The following HESX1 variants were observed in gnomAD, a reference collection of about 807,000 sequenced individuals.
The protein encoded by HESX1 is homeobox expressed in ES cells 1.
In HESX1, 11 loss-of-function variants were observed where a neutral mutation model predicts 22.5. The ratio of observed to expected loss-of-function variants is 0.49; its 90% CI spans 0.31 to 0.81. The LOEUF is 0.81. HESX1 is among the 30% of genes least tolerant of loss of function. HESX1 has a pLI of 0.05. For synonymous variants in HESX1, 74 were observed against 76.5 expected, an observed-to-expected ratio of 0.97 and a Z score of 0.17; for missense variants, 201 against 212.6, an observed-to-expected ratio of 0.95 and a Z score of 0.34.
intron 1 of HESX1, among the ~76,000 whole-genome samples, chr3:57,215,187 G>T (rs2060576388): frequency 6.6e-6 from 1 of 152,084 alleles, no homozygotes. Flanking sequence ...GCAAATAACA[G>T]TTCAGAAATC....
chr3:57,199,753 G>A lies in HESX1; in HGVS notation c.157+9C>T, dbSNP rs773436820. 1.2e-6 allele frequency: 2 copies of A among 1,613,464 alleles called. No individual in the cohort carries two copies. The highest frequency in any genetic ancestry group is 1.7e-6 in the Non-Finnish European group (2 of 1,179,506). The stretch of plus-strand genomic sequence containing the variant: ...AACAAAGAATTGAAACAATTAAGCT[G>A]TGGCATACCTGATGAGCTGCAGGTG... On this transcript the variant is annotated intron_variant, in intron 1 of 3. Coordinates refer to ENST00000295934, the MANE Select transcript of HESX1 (RefSeq NM_003865.3).
Position 57,198,149 on chromosome 3 carries a change from C to T in HESX1, c.*48G>A, listed in dbSNP as rs372550682. ...TTAACACTTAATATTTCCACTGATT[C>T]TTCATGCTCTGCAATTAGAAGATAA... On this transcript the variant is annotated 3_prime_UTR_variant, in exon 4 of 4. Coordinates refer to ENST00000295934, the MANE Select transcript of HESX1 (RefSeq NM_003865.3). 1.9e-5 allele frequency: 22 copies of T among 1,139,388 alleles called. No individual in the cohort carries two copies. Among genetic ancestry groups the T allele is most frequent in the Middle Eastern group, 4.4e-4 (2 of 4,530 alleles). 70.6% of individuals were successfully genotyped at this position (1,139,388 alleles called of 1,614,324 possible). A position where few individuals can be genotyped will look rare whatever the true frequency, so the allele number is the denominator to read the frequency against.
chr3:57,207,498 T>TG (rs1174121110), intron 1 of HESX1, among the ~76,000 whole-genome samples: 1 of 152,210 alleles, frequency 6.6e-6, no homozygotes, highest in Admixed American at 6.5e-5. Flanking sequence ...GAAGAGGACT[T>TG]GGAGCCCTGT....
upstream of HESX1, among the ~76,000 whole-genome samples, chr3:57,202,628 C>A (rs184142527): frequency 1.7e-3 from 261 of 152,286 alleles, 5 homozygotes; most frequent in Middle Eastern, 6.8e-3. Context: ...TGAGCCACCA[C>A]CATGCTTGGC....
chr3:57,215,718 G>A (rs2060579336), intron 1 of HESX1, among the ~76,000 whole-genome samples: 1 of 152,126 alleles, frequency 6.6e-6, no homozygotes, highest in African/African-American at 2.4e-5. Flanking sequence ...AGTGAGCCAA[G>A]GTCGTGCCAT....
intron 1 of HESX1, among the ~76,000 whole-genome samples, chr3:57,209,525 T>TA (rs1209662818): frequency 6.6e-6 from 1 of 151,994 alleles, no homozygotes; most frequent in East Asian, 1.9e-4. Context: ...TAGTACCATC[T>TA]ACTTGGGAGG....
chr3:57,199,017 G>T (rs912058468), intron 1 of HESX1, 65 bp from the exon 2 acceptor site: 2 of 1,403,368 alleles, frequency 1.4e-6, no homozygotes, highest in Non-Finnish European at 2.0e-6. Flanking sequence ...GTTCTATAGA[G>T]GTAGTTTCAG....
chr3:57,220,492 C>T (rs1236525546), intron 1 of HESX1, among the ~76,000 whole-genome samples: 6 of 152,174 alleles, frequency 3.9e-5, no homozygotes, highest in African/African-American at 4.8e-5. Context: ...TGCAGCGGTG[C>T]GATCTTGGCT....
rs541466165 is a variant in HESX1 at position 57,221,222 on chromosome 3, T to C, written c.-111+5074A>G. ...ATGCTGGAGTGCAGCCTGTACTCCA[T>C]GGCTCAATGCAGCCTCCAACTCTCC... On this transcript the variant is annotated intron_variant, in intron 1 of 2. Coordinates refer to the HESX1 transcript ENST00000495160. Among the ~76,000 whole-genome samples the C allele has an allele frequency of 9.2e-5, 14 of 151,748 alleles. No homozygotes were observed. In the East Asian group the frequency reaches 2.7e-3, roughly 30 times the overall value.
intron 1 of HESX1, among the ~76,000 whole-genome samples, chr3:57,223,232 A>G (rs145287898): frequency 1.2e-4 from 19 of 152,354 alleles, no homozygotes; most frequent in Non-Finnish European, 1.8e-4. Context: ...TTATTAGCTC[A>G]TAACCATGTT....
chr3:57,223,700 T>A (rs2060627377), intron 1 of HESX1, among the ~76,000 whole-genome samples: 1 of 152,236 alleles, frequency 6.6e-6, no homozygotes, highest in Non-Finnish European at 1.5e-5. Context: ...TGAAATCTGC[T>A]CTTTCCTGAA....
chr3:57,206,802 A>C (rs906539711), intron 1 of HESX1, among the ~76,000 whole-genome samples: 1 of 152,258 alleles, frequency 6.6e-6, no homozygotes, highest in African/African-American at 2.4e-5. Flanking sequence ...TCCACAGATT[A>C]ACAGCAAGCA....
chr3:57,221,685 C>T (rs112198701), intron 1 of HESX1, among the ~76,000 whole-genome samples: 4 of 152,238 alleles, frequency 2.6e-5, no homozygotes, highest in African/African-American at 9.6e-5. Flanking sequence ...CGGCTCACTG[C>T]AAACTCTGCC....
chr3:57,219,345 G>C (rs561904494), intron 1 of HESX1, among the ~76,000 whole-genome samples: 10 of 152,078 alleles, frequency 6.6e-5, no homozygotes, highest in Non-Finnish European at 1.0e-4. Flanking sequence ...CTTCTGAAAA[G>C]TGTCTGTTCG....
upstream of HESX1, among the ~76,000 whole-genome samples, chr3:57,203,372 G>A (rs2060501162): frequency 6.6e-6 from 1 of 152,140 alleles, no homozygotes; most frequent in Admixed American, 6.5e-5. Flanking sequence ...CAATTCTTTA[G>A]AAGGTTATGG....
chr3:57,200,195 T>C (rs950049694), upstream of HESX1, among the ~76,000 whole-genome samples: 1 of 152,212 alleles, frequency 6.6e-6, no homozygotes, highest in Non-Finnish European at 1.5e-5. Flanking sequence ...AAAAGTGTTA[T>C]CTCTCCTAAG....
intron 1 of HESX1, among the ~76,000 whole-genome samples, chr3:57,219,167 A>C (rs2060600665): frequency 6.6e-6 from 1 of 152,110 alleles, no homozygotes; most frequent in South Asian, 2.1e-4. Context: ...TCCGATTTGT[A>C]AGTGAGAATA....
chr3:57,214,962 A>G lies in HESX1; in HGVS notation c.-111+11334T>C, dbSNP rs149523546. ...ATTGTATTTCTAATTATATACACAA[A>G]TGGGCAAGTATTTAGCAAACTGAAT... On this transcript the variant is annotated intron_variant, in intron 1 of 2. Coordinates refer to the HESX1 transcript ENST00000495160. 9.1e-4 allele frequency among the ~76,000 whole-genome samples: 138 copies of G among 152,312 alleles called. 1 individual carries two copies. The highest frequency in any genetic ancestry group is 3.1e-3 in the African/African-American group (128 of 41,578).
At chr3:57,221,952 C>T (rs113606344) in intron 1 of HESX1, among the ~76,000 whole-genome samples, 448 of 152,290 alleles carry the variant, frequency 2.9e-3, no homozygotes, top group Middle Eastern at 0.01. Context: ...TTTTTATTGT[C>T]TTTCTCCCCA....
Sources: gnomAD v4.1 joint callset for allele counts (sites outside exome capture counted in the v4.1 genomes callset) on GRCh38, gnomAD v4.1.1 for gene constraint, MANE v1.5 for transcripts, NCBI Gene and HGNC (gene_info 2026-07-23, HGNC 2026-07-21) for gene names.